Variants in ASXL3 observed in about 807,000 individuals in gnomAD.
ASXL3 encodes ASXL transcriptional regulator 3.
ASXL3 carries 34 observed loss-of-function variants against 170.6 expected under a neutral mutation model. The observed-to-expected ratio is 0.20, with a 90% confidence interval of 0.15 to 0.27. ASXL3 has a LOEUF of 0.27. Ranked by LOEUF, ASXL3 falls within the 10% of genes least tolerant of loss-of-function variation. The probability of loss-of-function intolerance (pLI) is 1.00; values close to 1 mark genes in which losing one functional copy is unlikely to be tolerated. For synonymous variants in ASXL3, 1,002 were observed against 989.1 expected (o/e 1.01, Z -0.24); for missense variants, 2,592 against 2,695.3 (o/e 0.96, Z 0.85).
At chr18:33,623,241 A>C (rs376820763) in intron 2 of ASXL3, among the ~76,000 whole-genome samples, 1 of 152,272 alleles carries the variant, frequency 6.6e-6, no homozygotes, top group East Asian at 1.9e-4. Flanking sequence ...CTGTTGCAGT[A>C]TCTAATAAAC....
At chr18:33,727,882 C>T (rs892854717) in intron 8 of ASXL3, among the ~76,000 whole-genome samples, 1 of 152,042 alleles carries the variant, frequency 6.6e-6, no homozygotes. Context: ...CTGTTACAGC[C>T]TGGGGATCTG....
intron 2 of ASXL3, among the ~76,000 whole-genome samples, chr18:33,631,240 C>G (rs2145172240): frequency 6.6e-6 from 1 of 152,110 alleles, no homozygotes; most frequent in Middle Eastern, 3.4e-3. Context: ...GGTCAAAGGA[C>G]AGGAACAGCA....
Position 33,740,051 on chromosome 18 carries a change from T to C in ASXL3, c.2647T>C (p.Leu883=). Residue 883 remains leucine (L), a synonymous_variant, in exon 11 of 12, where the codon TTA becomes CTA. Coordinates refer to ENST00000269197, the MANE Select transcript of ASXL3 (RefSeq NM_030632.3). Reference sequence around the variant, plus strand: ...AAAAGTGTTACCTTCACCATTGGAATTATCTGTCTTTTCTGAAGGGACAGA... The same window carrying C: ...AAAAGTGTTACCTTCACCATTGGAACTATCTGTCTTTTCTGAAGGGACAGA... ...EKKVLPSPLE[L]SVFSEGTDNK... The C allele has an allele frequency of 6.2e-7, 1 of 1,613,934 alleles. No individual in the cohort carries two copies. Among genetic ancestry groups the C allele is most frequent in the Non-Finnish European group, 8.5e-7 (1 of 1,179,880 alleles).
At chr18:33,676,395 T>C (rs898850866) in intron 7 of ASXL3, among the ~76,000 whole-genome samples, 2 of 152,038 alleles carry the variant, frequency 1.3e-5, no homozygotes, top group African/African-American at 2.4e-5. Context: ...AAAACTATGA[T>C]GATATTTCTC....
At chr18:33,705,364 GTT>G (rs1189126899) in intron 8 of ASXL3, among the ~76,000 whole-genome samples, 1 of 139,844 alleles carries the variant, frequency 7.2e-6, no homozygotes, top group African/African-American at 2.6e-5. Context: ...TGTGTTTTTT[GTT>G]TTTTTTTTTA....
chr18:33,665,058 C>A (rs1454714293), intron 5 of ASXL3, among the ~76,000 whole-genome samples: 1 of 151,692 alleles, frequency 6.6e-6, no homozygotes, highest in African/African-American at 2.4e-5. Flanking sequence ...TAGTTATGAT[C>A]CTAAAAAGTG....
intron 7 of ASXL3, among the ~76,000 whole-genome samples, chr18:33,681,806 T>C (rs2066520628): frequency 6.6e-6 from 1 of 152,148 alleles, no homozygotes; most frequent in African/African-American, 2.4e-5. Flanking sequence ...AATATGCATT[T>C]TGACTTATTA....
chr18:33,690,937 C>G (rs75599720), intron 8 of ASXL3, among the ~76,000 whole-genome samples: 4,773 of 152,246 alleles, frequency 0.031, 252 homozygotes, highest in African/African-American at 0.11. Flanking sequence ...TAAAACTCCT[C>G]TCCAGGCCAC....
At chr18:33,615,950 T>A (rs1250412227) in intron 2 of ASXL3, among the ~76,000 whole-genome samples, 1 of 152,184 alleles carries the variant, frequency 6.6e-6, no homozygotes. Flanking sequence ...CACTGTATGT[T>A]TTCTGTACAT....
chr18:33,644,931 C>T lies in ASXL3; in HGVS notation c.175C>T (p.His59Tyr). The T allele has an allele frequency of 6.3e-7, 1 of 1,583,250 alleles. No individual in the cohort carries two copies. Among genetic ancestry groups the T allele is most frequent in the Non-Finnish European group, 8.6e-7 (1 of 1,163,014 alleles). ...ATTAGCCTGTCTGAATGCAATGCTT[C>T]ACACTAACACTCGAATAGGGGATGG... ...SPLACLNAML[H>Y]TNTRIGDGTF... Residue 59 changes from histidine (H) to tyrosine (Y), a missense_variant, in exon 3 of 12, where the codon CAC (histidine) becomes TAC (tyrosine). By Grantham distance (83) the His-to-Tyr change is moderately conservative (BLOSUM62 2). Coordinates refer to ENST00000269197, the MANE Select transcript of ASXL3 (RefSeq NM_030632.3).
intron 7 of ASXL3, among the ~76,000 whole-genome samples, chr18:33,675,848 G>A (rs568464947): frequency 4.6e-5 from 7 of 151,862 alleles, no homozygotes; most frequent in Non-Finnish European, 8.8e-5. Flanking sequence ...GGGTTAAAGC[G>A]CACAATAAAA....
chr18:33,622,029 A>G (rs2065522918), intron 2 of ASXL3, among the ~76,000 whole-genome samples: 4 of 152,198 alleles, frequency 2.6e-5, no homozygotes, highest in African/African-American at 9.6e-5. Context: ...CCCAATCAGT[A>G]AATGAAAGCA....
At chr18:33,608,891 T>C (rs536580889) in intron 2 of ASXL3, among the ~76,000 whole-genome samples, 10 of 152,150 alleles carry the variant, frequency 6.6e-5, no homozygotes, top group Non-Finnish European at 1.0e-4. Context: ...AATGTATTAT[T>C]TAGCAAGGTA....
At chr18:33,711,278 C>G (rs1270849834) in intron 8 of ASXL3, among the ~76,000 whole-genome samples, 1 of 152,008 alleles carries the variant, frequency 6.6e-6, no homozygotes, top group African/African-American at 2.4e-5. Context: ...TTTGCTTTCT[C>G]TTTTTTATGC....
At chr18:33,727,742 G>T (rs1463579999) in intron 8 of ASXL3, among the ~76,000 whole-genome samples, 2 of 152,084 alleles carry the variant, frequency 1.3e-5, no homozygotes, top group Non-Finnish European at 2.9e-5. Context: ...AATGTTTATT[G>T]TTCCAGTTCA....
chr18:33,647,043 A>T (rs1170670561), intron 4 of ASXL3, among the ~76,000 whole-genome samples: 1 of 152,010 alleles, frequency 6.6e-6, no homozygotes, highest in Non-Finnish European at 1.5e-5. Flanking sequence ...TACTCTACCC[A>T]CTGGTTCCAC....
At chr18:33,736,738 G>A (rs923732318) in intron 10 of ASXL3, among the ~76,000 whole-genome samples, 1 of 152,116 alleles carries the variant, frequency 6.6e-6, no homozygotes, top group Admixed American at 6.5e-5. Context: ...GGCTTGGCTT[G>A]TGAACTTGTG....
At chr18:33,730,366 G>C (rs181903380) in intron 8 of ASXL3, among the ~76,000 whole-genome samples, 2 of 152,276 alleles carry the variant, frequency 1.3e-5, no homozygotes, top group East Asian at 3.9e-4. Context: ...TATGGGGACA[G>C]AATGCATGCA....
chr18:33,610,397 G>A (rs2065316930), intron 2 of ASXL3, among the ~76,000 whole-genome samples: 1 of 151,938 alleles, frequency 6.6e-6, no homozygotes, highest in Non-Finnish European at 1.5e-5. Flanking sequence ...TGGATGAAAG[G>A]TAATGTTTTA....
Sources: gnomAD v4.1 joint callset for allele counts (sites outside exome capture counted in the v4.1 genomes callset) on GRCh38, gnomAD v4.1.1 for gene constraint, MANE v1.5 for transcripts, NCBI Gene and HGNC (gene_info 2026-07-23, HGNC 2026-07-21) for gene names.